ARID2: variants seen among roughly 807,000 people sequenced by gnomAD.
The protein encoded by ARID2 is AT-rich interaction domain 2.
Under a neutral mutation model 184.6 loss-of-function variants are expected in ARID2, and 32 were observed. The observed-to-expected ratio is 0.17, with a 90% CI of 0.13 to 0.23. The LOEUF is 0.23. ARID2 is among the 10% of genes least tolerant of loss of function. The probability of loss-of-function intolerance (pLI) is 1.00; values close to 1 mark genes in which losing one functional copy is unlikely to be tolerated. For missense variants in ARID2, 1,696 were observed against 2,197.6 expected, an observed-to-expected ratio of 0.77 and a Z score of 4.56; for synonymous variants, 836 against 772.6, an observed-to-expected ratio of 1.08 and a Z score of -1.36.
chr12:45,891,289 G>A (rs1276213011), intron 16 of ARID2, among the ~76,000 whole-genome samples: 3 of 152,152 alleles, frequency 2.0e-5, no homozygotes, highest in Non-Finnish European at 4.4e-5. Context: ...TCTAATAAAG[G>A]AGAATAAAAT....
intron 3 of ARID2, among the ~76,000 whole-genome samples, chr12:45,766,118 A>G (rs1233654057): frequency 6.6e-6 from 1 of 152,170 alleles, no homozygotes; most frequent in Non-Finnish European, 1.5e-5. Context: ...AAATAAGACC[A>G]CAATGAACAT....
intron 6 of ARID2, among the ~76,000 whole-genome samples, chr12:45,830,503 T>C (rs1269239759): frequency 6.6e-6 from 1 of 152,076 alleles, no homozygotes; most frequent in Admixed American, 6.6e-5. Context: ...AGGTATTAGA[T>C]CTTCAAAGTT....
intron 3 of ARID2, among the ~76,000 whole-genome samples, chr12:45,782,955 A>AAAAT (rs1229149930): frequency 6.6e-6 from 1 of 152,114 alleles, no homozygotes; most frequent in South Asian, 2.1e-4. Flanking sequence ...CTAAAAATGC[A>AAAAT]AAATAAATAA....
intron 3 of ARID2, among the ~76,000 whole-genome samples, chr12:45,751,071 C>T (rs1347403368): frequency 6.6e-6 from 1 of 152,086 alleles, no homozygotes; most frequent in East Asian, 1.9e-4. Flanking sequence ...AAATTATTTC[C>T]CCTTTAGAGT....
intron 3 of ARID2, among the ~76,000 whole-genome samples, chr12:45,757,933 C>CT (rs1342410848): frequency 6.6e-6 from 1 of 152,146 alleles, no homozygotes; most frequent in East Asian, 1.9e-4. Flanking sequence ...CAGTATTTCT[C>CT]TAAATATTTG....
intron 3 of ARID2, among the ~76,000 whole-genome samples, chr12:45,744,964 GA>G (rs1476920083): frequency 6.6e-6 from 1 of 152,066 alleles, no homozygotes; most frequent in Non-Finnish European, 1.5e-5. Context: ...ATAAACTATG[GA>G]GGTTAGCTTA....
chr12:45,817,095 GC>G (rs1942816563), intron 4 of ARID2, among the ~76,000 whole-genome samples: 2 of 151,686 alleles, frequency 1.3e-5, no homozygotes, highest in African/African-American at 4.8e-5. Flanking sequence ...CAGGGCTCAT[GC>G]ATGTAATGCA....
At chr12:45,868,860 G>A (rs999061164) in intron 16 of ARID2, among the ~76,000 whole-genome samples, 1 of 152,106 alleles carries the variant, frequency 6.6e-6, no homozygotes, top group African/African-American at 2.4e-5. Context: ...TTTGGACATG[G>A]CAGTTTGCCC....
chr12:45,793,642 A>AAT (rs1287402375), intron 3 of ARID2, among the ~76,000 whole-genome samples: 2 of 151,468 alleles, frequency 1.3e-5, no homozygotes, highest in East Asian at 1.9e-4. Context: ...CCCAGAGGAC[A>AAT]ATATATATAC....
At chr12:45,749,704 T>G (rs1941422820) in intron 3 of ARID2, among the ~76,000 whole-genome samples, 1 of 152,236 alleles carries the variant, frequency 6.6e-6, no homozygotes, top group Non-Finnish European at 1.5e-5. Flanking sequence ...TGCTGTAGAT[T>G]CACTGTCACC....
At chr12:45,893,007 C>T (rs1286792811) in intron 18 of ARID2, among the ~76,000 whole-genome samples, 1 of 152,076 alleles carries the variant, frequency 6.6e-6, no homozygotes, top group Non-Finnish European at 1.5e-5. Context: ...TATTACTTTA[C>T]TCTTAGGTAC....
At chr12:45,843,864 CT>C (rs1555153565) in intron 11 of ARID2, among the ~76,000 whole-genome samples, 3 of 152,112 alleles carry the variant, frequency 2.0e-5, no homozygotes, top group Non-Finnish European at 4.4e-5. Flanking sequence ...CTTAATCAGG[CT>C]CTTTTTGTTA....
At chr12:45,770,362 T>C (rs1301783638) in intron 3 of ARID2, among the ~76,000 whole-genome samples, 1 of 152,200 alleles carries the variant, frequency 6.6e-6, no homozygotes, top group Non-Finnish European at 1.5e-5. Context: ...CACAGGATTT[T>C]TTTTGGCCCC....
intron 3 of ARID2, among the ~76,000 whole-genome samples, chr12:45,808,664 C>T (rs1308244529): frequency 1.3e-5 from 2 of 151,894 alleles, no homozygotes; most frequent in Non-Finnish European, 2.9e-5. Flanking sequence ...GGACGAGTTC[C>T]TGTTTATAGC....
In ARID2 at chr12:45,801,017, A is replaced by C. The variant is rs894641809; in HGVS notation, c.285-10401A>C. On this transcript the variant is annotated intron_variant, in intron 3 of 20. Transcript: ENST00000334344. Reference sequence around the variant, plus strand: ...TCGAATGCCAACTAATAAATGTTGAAGGAATAATGGAGTTAGAAAAATTAC... The same window carrying C: ...TCGAATGCCAACTAATAAATGTTGACGGAATAATGGAGTTAGAAAAATTAC... Among the ~76,000 whole-genome samples, 12 of 152,322 alleles carry C rather than the reference A, an allele frequency of 7.9e-5. No individual in the cohort carries two copies. In the East Asian group the frequency reaches 1.5e-3, roughly 20 times the overall value.
At chr12:45,750,133 T>A (rs936397224) in intron 3 of ARID2, among the ~76,000 whole-genome samples, 2 of 152,212 alleles carry the variant, frequency 1.3e-5, no homozygotes, top group African/African-American at 4.8e-5. Context: ...TGATTTAAAG[T>A]GAGAGATATG....
intron 3 of ARID2, among the ~76,000 whole-genome samples, chr12:45,809,168 T>A (rs1405498050): frequency 6.6e-6 from 1 of 152,230 alleles, no homozygotes; most frequent in Non-Finnish European, 1.5e-5. Flanking sequence ...TTTGATTAGA[T>A]AACAATTATT....
chr12:45,858,974 T>C (rs1943698597), intron 15 of ARID2, among the ~76,000 whole-genome samples: 1 of 152,230 alleles, frequency 6.6e-6, no homozygotes, highest in Admixed American at 6.5e-5. Flanking sequence ...TCTGACAACT[T>C]TGTCTTTCAA....
At chr12:45,813,547 T>C (rs1459562743) in intron 4 of ARID2, among the ~76,000 whole-genome samples, 1 of 151,922 alleles carries the variant, frequency 6.6e-6, no homozygotes, top group African/African-American at 2.4e-5. Context: ...TGAGAAGATA[T>C]GTATTTACAT....
Sources: gnomAD v4.1 joint callset for allele counts (sites outside exome capture counted in the v4.1 genomes callset) on GRCh38, gnomAD v4.1.1 for gene constraint, MANE v1.5 for transcripts, NCBI Gene and HGNC (gene_info 2026-07-23, HGNC 2026-07-21) for gene names.